Variants in YIPF4 observed in about 807,000 individuals in gnomAD.
The protein encoded by YIPF4 is Yip1 domain family member 4, also known as protein YIPF4.
In YIPF4, 18 loss-of-function variants were observed where a neutral mutation model predicts 29.4. That is an observed-to-expected ratio of 0.61 (90% CI 0.42 to 0.91). The LOEUF is 0.91. Among genes scored for constraint, YIPF4 ranks in the 40% least tolerant of loss-of-function variants. The pLI, the probability that YIPF4 is intolerant of heterozygous loss-of-function variation, is 0.00. For synonymous variants in YIPF4, 115 were observed against 104.7 expected (o/e 1.10, Z -0.60); for missense variants, 279 against 282.7 (o/e 0.99, Z 0.09).
intron 4 of YIPF4, 151 bp from the exon 5 acceptor site, chr2:32,301,231 G>A (rs1160558277): frequency 1.8e-6 from 1 of 566,940 alleles, no homozygotes; most frequent in Non-Finnish European, 3.1e-6. Context: ...GAGACTATAT[G>A]ATATTTTGAA....
chr2:32,306,597 C>G lies in YIPF4; in HGVS notation c.*971C>G, dbSNP rs938010723. 1.4e-5 allele frequency: 14 copies of G among 985,086 alleles called. No individual in the cohort carries two copies. Among genetic ancestry groups the G allele is most frequent in the Non-Finnish European group, 1.6e-5 (13 of 829,806 alleles). The allele number at this position is 985,086 out of a possible 1,614,324, so 61.0% of individuals were successfully genotyped here. On this transcript the variant is annotated 3_prime_UTR_variant, in exon 6 of 6. Coordinates refer to ENST00000238831, the MANE Select transcript of YIPF4 (RefSeq NM_032312.4). Reference sequence around the variant, plus strand: ...GTGTTTTGTTTTACAGCACCATGTCCTGTATTACTTGATATTTTAACAAGT... The same window carrying G: ...GTGTTTTGTTTTACAGCACCATGTCGTGTATTACTTGATATTTTAACAAGT...
Position 32,292,285 on chromosome 2 carries a change from C to A in YIPF4, c.342C>A (p.Asp114Glu), listed in dbSNP as rs768926828. 6.2e-7 allele frequency: 1 copy of A among 1,605,704 alleles called. No homozygotes were observed. The highest frequency in any genetic ancestry group is 1.1e-5 in the South Asian group (1 of 89,424). ...FNRQVVRDNP[D>E]FWGPLAVVLF... ...GACAAGTGGTGAGAGACAATCCTGA[C>A]TTTTGGGGTCCTCTGGCTGTTGTTC... Residue 114 changes from aspartate (D) to glutamate (E), a missense_variant, in exon 3 of 6, where the codon GAC becomes GAA. Transcript: ENST00000238831.
At chr2:32,302,887 C>G (rs909899805) in intron 5 of YIPF4, among the ~76,000 whole-genome samples, 4 of 152,090 alleles carry the variant, frequency 2.6e-5, no homozygotes, top group African/African-American at 9.7e-5. Context: ...TACGCTGATA[C>G]TGATAATAAG....
chr2:32,291,669 G>C lies in YIPF4; in HGVS notation c.234-508G>C, dbSNP rs777040347. Among the ~76,000 whole-genome samples the C allele has an allele frequency of 4.7e-4, 71 of 152,150 alleles. 3 individuals carry two copies. The highest frequency in any genetic ancestry group is 1.2e-4 in the Non-Finnish European group (8 of 68,030). On this transcript the variant is annotated intron_variant, in intron 2 of 5. Coordinates refer to ENST00000238831, the MANE Select transcript of YIPF4 (RefSeq NM_032312.4). Reference sequence around the variant, plus strand: ...CGGCATAAAGCTGGGACATCAAAGGGCTATCTCCTTATTAGTGTAAGGATG... The same window carrying C: ...CGGCATAAAGCTGGGACATCAAAGGCCTATCTCCTTATTAGTGTAAGGATG...
chr2:32,298,885 TA>T (rs1353685031), intron 4 of YIPF4, among the ~76,000 whole-genome samples: 1 of 151,646 alleles, frequency 6.6e-6, no homozygotes, highest in Admixed American at 6.6e-5. Flanking sequence ...TTATTATTAT[TA>T]TTTTTTTTTG....
chr2:32,292,386 TGA>T (rs1243321901), intron 3 of YIPF4, 38 bp downstream of exon 3: 6 of 1,396,044 alleles, frequency 4.3e-6, no homozygotes, highest in Non-Finnish European at 4.7e-6. Flanking sequence ...CTAAATATTT[TGA>T]GAGTTTCAAA....
intron 5 of YIPF4, 28 bp downstream of exon 5, chr2:32,301,523 T>C (rs1558481389): frequency 6.7e-7 from 1 of 1,486,618 alleles, no homozygotes; most frequent in Admixed American, 1.8e-5. Flanking sequence ...TATTACATAG[T>C]TTACTGTTTT....
At chr2:32,294,803 G>A (rs1412948856) in intron 3 of YIPF4, among the ~76,000 whole-genome samples, 1 of 151,862 alleles carries the variant, frequency 6.6e-6, no homozygotes, top group East Asian at 1.9e-4. Context: ...ACCAGACACC[G>A]TCTGCAATCC....
intron 4 of YIPF4, among the ~76,000 whole-genome samples, chr2:32,299,386 T>C (rs2031312783): frequency 6.6e-6 from 1 of 152,254 alleles, no homozygotes; most frequent in African/African-American, 2.4e-5. Context: ...TAATACATGC[T>C]TTTTCCATTC....
At chr2:32,298,122 T>A in intron 3 of YIPF4, 112 bp from the exon 4 acceptor site, 1 of 761,408 alleles carries the variant, frequency 1.3e-6, no homozygotes, top group Non-Finnish European at 2.3e-6. Flanking sequence ...AATCTCTCTA[T>A]GACCTGAAAT....
intron 1 of YIPF4, among the ~76,000 whole-genome samples, chr2:32,283,882 T>C (rs2030540868): frequency 6.6e-6 from 1 of 151,906 alleles, no homozygotes; most frequent in Admixed American, 6.6e-5. Context: ...CATGCTCGGC[T>C]AATTTTTGTA....
intron 3 of YIPF4, among the ~76,000 whole-genome samples, chr2:32,296,737 C>G (rs893279930): frequency 6.6e-6 from 1 of 152,152 alleles, no homozygotes; most frequent in Admixed American, 6.5e-5. Flanking sequence ...TATAAAGTTA[C>G]TATTTTTCTC....
rs1454837857 is a variant in YIPF4 at position 32,312,143 on chromosome 2, C to G, written c.*6517C>G. The G allele has an allele frequency of 6.6e-6, 1 of 152,112 alleles. No individual in the cohort carries two copies. Among genetic ancestry groups the G allele is most frequent in the East Asian group, 1.9e-4 (1 of 5,198 alleles). The allele number at this position is 152,112 out of a possible 1,614,324, so 9.4% of individuals were successfully genotyped here. A position where few individuals can be genotyped will look rare whatever the true frequency, so the allele number is the denominator to read the frequency against. ...TGATGGGCCTAGGTACTAAATTCCT[C>G]ATTCAATCTTTTTTTACCAAATGGT... On this transcript the variant is annotated 3_prime_UTR_variant, in exon 6 of 6. Transcript: ENST00000238831.
intron 5 of YIPF4, among the ~76,000 whole-genome samples, chr2:32,303,053 G>A (rs2031458599): frequency 2.0e-5 from 3 of 152,062 alleles, no homozygotes; most frequent in Admixed American, 2.0e-4. Context: ...ATATTTTAGG[G>A]TTCGTTACAA....
Position 32,292,195 on chromosome 2 carries a change from T to C in YIPF4, c.252T>C (p.Asp84=), listed in dbSNP as rs772091063. ...NKPLLEELDI[D]LKDIYYKIRC... is the part of the protein sequence containing the mutation. The stretch of plus-strand genomic sequence containing the variant: ...ATTATAGGGAAGAATTGGACATTGA[T>C]CTAAAGGATATTTACTACAAAATCC... Residue 84 remains aspartate (D), a synonymous_variant, in exon 3 of 6, where the codon GAT becomes GAC. Transcript: ENST00000238831. The C allele has an allele frequency of 6.4e-7, 1 of 1,556,328 alleles. No homozygotes were observed. Among genetic ancestry groups the C allele is most frequent in the South Asian group, 1.3e-5 (1 of 79,910 alleles).
At position 32,306,425 on chromosome 2, in the gene YIPF4, T is replaced by A. The variant is rs963697253; in HGVS notation, c.*799T>A. 5 of 984,026 alleles carry A rather than the reference T, an allele frequency of 5.1e-6. No homozygotes were observed. In the African/African-American group the frequency reaches 8.7e-5, roughly 17 times the overall value. 61.0% of individuals were successfully genotyped at this position (984,026 alleles called of 1,614,324 possible). A position where few individuals can be genotyped will look rare whatever the true frequency, so the allele number is the denominator to read the frequency against. On this transcript the variant is annotated 3_prime_UTR_variant, in exon 6 of 6. Transcript: ENST00000238831. Reference sequence around the variant, plus strand: ...ATGGCATTCATTAAAATCTTTACTATGTACAAAAACAGTAATATTTACAGC... The same window carrying A: ...ATGGCATTCATTAAAATCTTTACTAAGTACAAAAACAGTAATATTTACAGC...
At chr2:32,292,451 T>TG in intron 3 of YIPF4, 103 bp downstream of exon 3, 2 of 907,432 alleles carry the variant, frequency 2.2e-6, no homozygotes, top group South Asian at 8.0e-5. Context: ...GTTTGAGAAA[T>TG]GCTTTACCCA....
intron 5 of YIPF4, among the ~76,000 whole-genome samples, chr2:32,303,474 C>T (rs539925179): frequency 3.2e-4 from 48 of 152,138 alleles, no homozygotes; most frequent in African/African-American, 1.0e-3. Context: ...TTTGGCAGGC[C>T]GAGGCAGGTG....
intron 3 of YIPF4, among the ~76,000 whole-genome samples, chr2:32,293,243 T>C (rs866198664): frequency 7.2e-5 from 11 of 152,212 alleles, no homozygotes; most frequent in Middle Eastern, 3.4e-3. Flanking sequence ...TGCGGCCTTC[T>C]GCAGTGTTTG....
Sources: allele counts gnomAD v4.1 joint callset (sites outside exome capture counted in the v4.1 genomes callset), GRCh38; gene constraint gnomAD v4.1.1; transcripts MANE v1.5; gene names NCBI Gene and HGNC (gene_info 2026-07-23, HGNC 2026-07-21).